Variants in ARSJ observed in about 807,000 individuals in gnomAD.
The protein encoded by ARSJ is arylsulfatase J.
ARSJ carries 26 observed loss-of-function variants against 35.9 expected under a neutral mutation model. That is an observed-to-expected ratio of 0.72 (90% confidence interval 0.53 to 1.00). The LOEUF (loss-of-function observed/expected upper bound fraction) is 1.00. ARSJ is among the 50% of genes least tolerant of loss of function. The probability of loss-of-function intolerance (pLI) is 0.00; values close to 1 mark genes in which losing one functional copy is unlikely to be tolerated. For missense variants in ARSJ, 667 were observed against 723.6 expected, an observed-to-expected ratio of 0.92 and a Z score of 0.90; for synonymous variants, 294 against 267.6, an observed-to-expected ratio of 1.10 and a Z score of -0.96.
At chr4:113,961,899 G>C (rs10019380) in intron 1 of ARSJ, among the ~76,000 whole-genome samples, 1 of 2,222 alleles carries the variant, frequency 4.5e-4, no homozygotes, top group African/African-American at 3.9e-3. Flanking sequence ...CTCTCTCTCT[G>C]TGTGTGTGTG....
chr4:113,910,879 C>T (rs1388053828), intron 1 of ARSJ, among the ~76,000 whole-genome samples: 1 of 152,094 alleles, frequency 6.6e-6, no homozygotes, highest in Non-Finnish European at 1.5e-5. Flanking sequence ...TATGACAGGA[C>T]TAAGTGTTAG....
chr4:113,965,481 A>T (rs1726834670), intron 1 of ARSJ, among the ~76,000 whole-genome samples: 1 of 152,060 alleles, frequency 6.6e-6, no homozygotes, highest in Admixed American at 6.6e-5. Context: ...TACTTCTCTG[A>T]GCTTGATTTC....
At chr4:113,961,820 A>T (rs574352008) in intron 1 of ARSJ, among the ~76,000 whole-genome samples, 1 of 151,276 alleles carries the variant, frequency 6.6e-6, no homozygotes, top group South Asian at 2.1e-4. Context: ...TACTGCTCAG[A>T]CTCTTTTGCC....
At chr4:113,932,991 A>C (rs1462115479) in intron 1 of ARSJ, among the ~76,000 whole-genome samples, 1 of 151,936 alleles carries the variant, frequency 6.6e-6, no homozygotes, top group Non-Finnish European at 1.5e-5. Context: ...AACAGAGAAG[A>C]CCTAAATAAA....
chr4:113,908,251 T>C (rs920756782), intron 1 of ARSJ, among the ~76,000 whole-genome samples: 1 of 152,190 alleles, frequency 6.6e-6, no homozygotes, highest in Non-Finnish European at 1.5e-5. Flanking sequence ...TGCTTCCTGA[T>C]TTTGATGGTT....
intron 1 of ARSJ, among the ~76,000 whole-genome samples, chr4:113,974,148 C>T (rs990744024): frequency 1.3e-5 from 2 of 152,068 alleles, no homozygotes; most frequent in South Asian, 2.1e-4. Flanking sequence ...TCAGATGAAT[C>T]GTAATCTAAA....
intron 1 of ARSJ, among the ~76,000 whole-genome samples, chr4:113,973,787 T>C (rs562538235): frequency 1.3e-5 from 2 of 152,326 alleles, no homozygotes; most frequent in South Asian, 2.1e-4. Flanking sequence ...TCTGTACATC[T>C]ATACTCTCTC....
At chr4:113,960,198 C>T (rs1726458563) in intron 1 of ARSJ, among the ~76,000 whole-genome samples, 1 of 152,044 alleles carries the variant, frequency 6.6e-6, no homozygotes, top group African/African-American at 2.4e-5. Flanking sequence ...GGGCATTTTA[C>T]AAAATACACA....
chr4:113,960,811 A>C (rs1390306697), intron 1 of ARSJ, among the ~76,000 whole-genome samples: 2 of 152,038 alleles, frequency 1.3e-5, no homozygotes, highest in Non-Finnish European at 2.9e-5. Flanking sequence ...TCAAACAATG[A>C]CCCAGGAGCC....
At chr4:113,919,297 T>C (rs1271244589) in intron 1 of ARSJ, among the ~76,000 whole-genome samples, 1 of 152,022 alleles carries the variant, frequency 6.6e-6, no homozygotes, top group East Asian at 1.9e-4. Context: ...ACCAGTCTTA[T>C]ATAGTGAAAT....
intron 1 of ARSJ, among the ~76,000 whole-genome samples, chr4:113,937,307 GA>G (rs1724824475): frequency 6.6e-6 from 1 of 151,950 alleles, no homozygotes; most frequent in Non-Finnish European, 1.5e-5. Context: ...GGAAGAATTA[GA>G]TCCTGCTGGA....
At chr4:113,950,260 T>C (rs147556147) in intron 1 of ARSJ, among the ~76,000 whole-genome samples, 16 of 152,162 alleles carry the variant, frequency 1.1e-4, no homozygotes, top group Admixed American at 3.3e-4. Flanking sequence ...AAATCCATCA[T>C]AGAAAAGAAA....
intron 1 of ARSJ, among the ~76,000 whole-genome samples, chr4:113,930,164 T>A (rs1724341184): frequency 6.6e-6 from 1 of 152,010 alleles, no homozygotes; most frequent in Non-Finnish European, 1.5e-5. Context: ...ACAGAACTAA[T>A]AGAAATGGGA....
intron 1 of ARSJ, among the ~76,000 whole-genome samples, chr4:113,976,629 G>A (rs1268321237): frequency 1.3e-5 from 2 of 152,144 alleles, no homozygotes; most frequent in South Asian, 2.1e-4. Context: ...TGTCTAAAAG[G>A]AGAAATTGCA....
chr4:113,950,612 G>A (rs1228748294), intron 1 of ARSJ, among the ~76,000 whole-genome samples: 2 of 152,066 alleles, frequency 1.3e-5, no homozygotes, highest in Admixed American at 6.6e-5. Flanking sequence ...GAAGAGGGGA[G>A]AGATAGTAAT....
chr4:113,903,080 G>T lies in ARSJ; in HGVS notation c.994C>A (p.Pro332Thr), dbSNP rs777072462. 2 of 1,614,178 alleles carry T rather than the reference G, an allele frequency of 1.2e-6. No homozygotes were observed. The highest frequency in any genetic ancestry group is 3.3e-5 in the Admixed American group (2 of 60,028). The change falls in exon 2 of 2, where the codon CCT becomes ACT. Residue 332 changes from proline (P) to threonine (T), a missense_variant. Transcript: ENST00000315366. The part of the protein sequence containing the change: ...IIYSSDNGGQ[P>T]TAGGSNWPLR... ...GGCCAGTTACTCCCTCCTGCCGTAG[G>T]CTGGCCACCATTATCTGAAGAGTAA...
chr4:113,940,142 T>C (rs1725052028), intron 1 of ARSJ, among the ~76,000 whole-genome samples: 1 of 152,114 alleles, frequency 6.6e-6, no homozygotes, highest in Non-Finnish European at 1.5e-5. Context: ...TTGCTGGGTT[T>C]ACACCCAAAG....
chr4:113,926,708 T>C (rs1724092041), intron 1 of ARSJ, among the ~76,000 whole-genome samples: 1 of 152,108 alleles, frequency 6.6e-6, no homozygotes, highest in Non-Finnish European at 1.5e-5. Flanking sequence ...CACAACCCAC[T>C]TTATGGGTAG....
chr4:113,959,682 T>A (rs1324832474), intron 1 of ARSJ, among the ~76,000 whole-genome samples: 1 of 152,130 alleles, frequency 6.6e-6, no homozygotes, highest in Admixed American at 6.6e-5. Context: ...TTTTACTTTG[T>A]GTATATTAAA....
Sources: allele counts gnomAD v4.1 joint callset (sites outside exome capture counted in the v4.1 genomes callset), GRCh38; gene constraint gnomAD v4.1.1; transcripts MANE v1.5; gene names NCBI Gene and HGNC (gene_info 2026-07-23, HGNC 2026-07-21).